Variants in FAT3 observed in about 807,000 individuals in gnomAD.
FAT3 encodes the protein FAT atypical cadherin 3.
A neutral mutation model predicts 310.2 loss-of-function variants in FAT3; 95 were observed. That is an observed-to-expected ratio of 0.31 (90% CI 0.26 to 0.36). The LOEUF is 0.36. Among genes scored for constraint, FAT3 ranks in the 10% least tolerant of loss-of-function variants. The pLI, the probability that FAT3 is intolerant of heterozygous loss-of-function variation, is 1.00. For synonymous variants in FAT3, 2,314 were observed against 2,192.9 expected (o/e 1.06, Z -1.54); for missense variants, 5,408 against 5,715.6 (o/e 0.95, Z 1.74).
intron 1 of FAT3, among the ~76,000 whole-genome samples, chr11:92,320,234 T>C (rs749271614): frequency 6.6e-6 from 1 of 152,216 alleles, no homozygotes; most frequent in Non-Finnish European, 1.5e-5. Flanking sequence ...TTTGGGAGAT[T>C]ACTTTTAGGT....
chr11:92,791,434 T>C (rs1947037504), intron 8 of FAT3, among the ~76,000 whole-genome samples: 1 of 152,216 alleles, frequency 6.6e-6, no homozygotes. Flanking sequence ...CTGCATGTGT[T>C]TTCTCCAAGG....
intron 3 of FAT3, among the ~76,000 whole-genome samples, chr11:92,649,872 T>TATA (rs1942305244): frequency 9.9e-5 from 4 of 40,326 alleles, no homozygotes; most frequent in African/African-American, 2.2e-4. Flanking sequence ...ACTTTGTATG[T>TATA]TCATATATAT....
intron 1 of FAT3, chr11:92,314,358 A>G: frequency 2.3e-6 from 2 of 873,780 alleles, no homozygotes; most frequent in Non-Finnish European, 2.7e-6. Flanking sequence ...TTACATTTGT[A>G]AAAAAACATA....
At chr11:92,849,724 C>T (rs1287461127) in intron 19 of FAT3, among the ~76,000 whole-genome samples, 2 of 152,128 alleles carry the variant, frequency 1.3e-5, no homozygotes, top group African/African-American at 2.4e-5. Flanking sequence ...TAGGTCTTTA[C>T]CAGGTAGAGG....
intron 3 of FAT3, among the ~76,000 whole-genome samples, chr11:92,668,021 G>A (rs1309879408): frequency 6.6e-6 from 1 of 152,222 alleles, no homozygotes; most frequent in Non-Finnish European, 1.5e-5. Context: ...CTCTCCATTA[G>A]GAAAGATCAT....
At chr11:92,453,955 A>G (rs1413437868) in intron 2 of FAT3, among the ~76,000 whole-genome samples, 1 of 152,154 alleles carries the variant, frequency 6.6e-6, no homozygotes, top group African/African-American at 2.4e-5. Context: ...ACACATTTAG[A>G]TATACATATT....
chr11:92,663,806 T>C (rs191366162), intron 3 of FAT3, among the ~76,000 whole-genome samples: 10 of 152,326 alleles, frequency 6.6e-5, no homozygotes, highest in Admixed American at 2.0e-4. Context: ...CATTCATTTT[T>C]TATCTTCCCA....
chr11:92,515,382 A>C (rs1953443985), intron 2 of FAT3, among the ~76,000 whole-genome samples: 1 of 152,150 alleles, frequency 6.6e-6, no homozygotes, highest in Non-Finnish European at 1.5e-5. Flanking sequence ...TGTACCAAAA[A>C]GTATCTTTTT....
At chr11:92,662,349 A>C (rs958431678) in intron 3 of FAT3, among the ~76,000 whole-genome samples, 5 of 152,140 alleles carry the variant, frequency 3.3e-5, no homozygotes, top group African/African-American at 1.2e-4. Flanking sequence ...GAGTGATGAG[A>C]GAATTAACAA....
At chr11:92,510,183 A>T (rs942400077) in intron 2 of FAT3, among the ~76,000 whole-genome samples, 1 of 152,202 alleles carries the variant, frequency 6.6e-6, no homozygotes, top group African/African-American at 2.4e-5. Flanking sequence ...CTCAAGAAAT[A>T]GAATCCAGTG....
At chr11:92,435,005 A>T (rs968834583) in intron 2 of FAT3, among the ~76,000 whole-genome samples, 9 of 152,282 alleles carry the variant, frequency 5.9e-5, no homozygotes, top group Admixed American at 4.6e-4. Flanking sequence ...ATACAGTGGG[A>T]AGAGTTCCGT....
chr11:92,383,022 C>T (rs1336872346), intron 2 of FAT3, among the ~76,000 whole-genome samples: 6 of 152,124 alleles, frequency 3.9e-5, no homozygotes, highest in African/African-American at 1.2e-4. Flanking sequence ...CAGTGTGTGT[C>T]GTTCCCCACC....
At chr11:92,749,516 T>G (rs997881501) in intron 4 of FAT3, among the ~76,000 whole-genome samples, 1 of 152,238 alleles carries the variant, frequency 6.6e-6, no homozygotes, top group African/African-American at 2.4e-5. Context: ...ACCTAAGCTC[T>G]CATTTACTCT....
At chr11:92,387,577 G>A (rs961171092) in intron 2 of FAT3, among the ~76,000 whole-genome samples, 1 of 152,190 alleles carries the variant, frequency 6.6e-6, no homozygotes, top group African/African-American at 2.4e-5. Context: ...CAGTGGTTGT[G>A]TCTGTGTCTG....
intron 2 of FAT3, among the ~76,000 whole-genome samples, chr11:92,406,337 T>C (rs1418705447): frequency 6.6e-6 from 1 of 152,210 alleles, no homozygotes; most frequent in African/African-American, 2.4e-5. Flanking sequence ...TAAGCTATTT[T>C]AGGGGTTATT....
chr11:92,699,166 G>T (rs1304691955), intron 4 of FAT3, among the ~76,000 whole-genome samples: 1 of 152,190 alleles, frequency 6.6e-6, no homozygotes, highest in African/African-American at 2.4e-5. Context: ...TCATTGATTA[G>T]TACAAGTTGA....
chr11:92,499,677 A>G (rs1453542166), intron 2 of FAT3, among the ~76,000 whole-genome samples: 1 of 150,070 alleles, frequency 6.7e-6, no homozygotes, highest in Non-Finnish European at 1.5e-5. Flanking sequence ...ATCTTGAGTC[A>G]TCTATGTGAA....
chr11:92,488,447 A>ACCCCC (rs1565355300), intron 2 of FAT3, among the ~76,000 whole-genome samples: 2 of 5,036 alleles, frequency 4.0e-4, no homozygotes. Flanking sequence ...AATAACTAGC[A>ACCCCC]CCGCCCCCCC....
chr11:92,571,615 T>C (rs111974288), intron 3 of FAT3, among the ~76,000 whole-genome samples: 1,899 of 152,358 alleles, frequency 0.012, 20 homozygotes, highest in Non-Finnish European at 0.02. Flanking sequence ...AATTTGGGTA[T>C]GTGATTCCGT....
Sources: allele counts gnomAD v4.1 joint callset (sites outside exome capture counted in the v4.1 genomes callset), GRCh38; gene constraint gnomAD v4.1.1; transcripts MANE v1.5; gene names NCBI Gene and HGNC (gene_info 2026-07-23, HGNC 2026-07-21).